KIAA1328: variants seen among roughly 807,000 people sequenced by gnomAD.
The protein encoded by KIAA1328 is protein hinderin.
In KIAA1328, 52 loss-of-function variants were observed where a neutral mutation model predicts 68.1. The ratio of observed to expected loss-of-function variants is 0.76; its 90% confidence interval spans 0.61 to 0.96. KIAA1328 has a LOEUF of 0.96. Among genes scored for constraint, KIAA1328 ranks in the 40% least tolerant of loss-of-function variants. The pLI, the probability that KIAA1328 is intolerant of heterozygous loss-of-function variation, is 0.00. For missense variants in KIAA1328, 641 were observed against 677.6 expected (o/e 0.95, Z 0.60); for synonymous variants, 232 against 239.4 (o/e 0.97, Z 0.28).
chr18:36,906,162 T>A (rs1476774081), intron 5 of KIAA1328, among the ~76,000 whole-genome samples: 3 of 152,166 alleles, frequency 2.0e-5, no homozygotes, highest in Non-Finnish European at 4.4e-5. Context: ...TAGCTAGTAG[T>A]TTGTATTCCA....
intron 9 of KIAA1328, among the ~76,000 whole-genome samples, chr18:37,194,147 G>A (rs994706534): frequency 6.6e-6 from 1 of 152,044 alleles, no homozygotes; most frequent in East Asian, 1.9e-4. Context: ...TGGAATTGTG[G>A]GTCATAGATA....
intron 6 of KIAA1328, among the ~76,000 whole-genome samples, chr18:37,041,586 A>G (rs2055247770): frequency 1.3e-5 from 2 of 150,362 alleles, no homozygotes; most frequent in Admixed American, 6.6e-5. Context: ...TTTATTTTCT[A>G]TATGCCCATC....
intron 5 of KIAA1328, chr18:36,924,885 TA>T: frequency 6.6e-6 from 1 of 152,194 alleles, no homozygotes; most frequent in African/African-American, 2.4e-5. Context: ...AAAAGAACCA[TA>T]AGCATATATT....
chr18:37,216,976 T>G lies in KIAA1328; in HGVS notation c.1524-5041T>G, dbSNP rs544678562. Among the ~76,000 whole-genome samples the G allele has an allele frequency of 1.9e-3, 262 of 139,588 alleles. 1 individual carries two copies. Among genetic ancestry groups the G allele is most frequent in the African/African-American group, 3.1e-3 (107 of 34,796 alleles). 91.6% of individuals were successfully genotyped at this position (139,588 alleles called of 152,430 possible). ...CTAGGATTGCAACCCCTGCTTTTTTTTTGTTTTTTTTTTGTTTGTTTTTTT... is the reference window on the plus strand; with the variant it reads ...CTAGGATTGCAACCCCTGCTTTTTTGTTGTTTTTTTTTTGTTTGTTTTTTT... On this transcript the variant is annotated intron_variant, in intron 9 of 9. Coordinates refer to ENST00000280020, the MANE Select transcript of KIAA1328 (RefSeq NM_020776.3).
intron 6 of KIAA1328, among the ~76,000 whole-genome samples, chr18:36,968,986 TTTGAAAACTA>T (rs758837070): frequency 3.9e-5 from 6 of 152,150 alleles, no homozygotes; most frequent in African/African-American, 1.4e-4. Context: ...CAAGAAGATC[TTTGAAAACTA>T]TACAGTTTCA....
chr18:36,891,537 C>T (rs540257247), intron 5 of KIAA1328, among the ~76,000 whole-genome samples: 2 of 152,276 alleles, frequency 1.3e-5, no homozygotes, highest in Non-Finnish European at 2.9e-5. Flanking sequence ...TTAGCTCTCA[C>T]TTATGAATGA....
chr18:36,913,908 T>C (rs1274843960), intron 5 of KIAA1328, among the ~76,000 whole-genome samples: 5 of 152,202 alleles, frequency 3.3e-5, no homozygotes. Context: ...CAGTTGCTTG[T>C]GTGCTTTGTG....
intron 5 of KIAA1328, among the ~76,000 whole-genome samples, chr18:36,936,499 C>T (rs985192456): frequency 2.0e-5 from 3 of 152,112 alleles, no homozygotes; most frequent in Non-Finnish European, 4.4e-5. Context: ...TGTATATGTG[C>T]CACAATGCCT....
intron 5 of KIAA1328, among the ~76,000 whole-genome samples, chr18:36,910,015 G>A (rs569451180): frequency 5.9e-5 from 9 of 152,242 alleles, no homozygotes; most frequent in African/African-American, 2.2e-4. Flanking sequence ...GTTCTTTGTA[G>A]ATTCTGGATA....
intron 7 of KIAA1328, among the ~76,000 whole-genome samples, chr18:37,103,888 A>G (rs558213489): frequency 6.6e-6 from 1 of 152,240 alleles, no homozygotes; most frequent in South Asian, 2.1e-4. Flanking sequence ...AAAAGAAGAC[A>G]AACAGATGGC....
rs560887663 is a variant in KIAA1328 at position 36,933,392 on chromosome 18, A to G, written c.449-25916A>G. On this transcript the variant is annotated intron_variant, in intron 5 of 9. Coordinates refer to ENST00000280020, the MANE Select transcript of KIAA1328 (RefSeq NM_020776.3). ...GTGGTGCTATGCTGTGCTGTGCTCA[A>G]GTTTCCTTTGTTAGGTGTTCCAGGC... Among the ~76,000 whole-genome samples the G allele has an allele frequency of 3.3e-5, 5 of 152,096 alleles. No individual in the cohort carries two copies. In the East Asian group the frequency reaches 9.7e-4, roughly 29 times the overall value.
intron 7 of KIAA1328, among the ~76,000 whole-genome samples, chr18:37,091,570 G>C (rs1599231148): frequency 6.6e-6 from 1 of 152,098 alleles, no homozygotes; most frequent in South Asian, 2.1e-4. Context: ...CAAGAGAGTT[G>C]ATACTGGGTC....
intron 6 of KIAA1328, among the ~76,000 whole-genome samples, chr18:37,018,881 C>T (rs964428116): frequency 5.9e-5 from 9 of 151,914 alleles, no homozygotes; most frequent in Non-Finnish European, 1.3e-4. Context: ...TGAATCTCAT[C>T]GACCTTCCTT....
chr18:36,973,357 G>C (rs951730626), intron 6 of KIAA1328, among the ~76,000 whole-genome samples: 2 of 152,008 alleles, frequency 1.3e-5, no homozygotes, highest in Non-Finnish European at 2.9e-5. Context: ...ATAGCATTAG[G>C]AGGTATACCT....
chr18:37,038,835 A>C (rs928565859), intron 6 of KIAA1328, among the ~76,000 whole-genome samples: 1 of 152,182 alleles, frequency 6.6e-6, no homozygotes, highest in African/African-American at 2.4e-5. Context: ...ACATTAAATG[A>C]AACATACAGC....
At chr18:37,015,805 C>T (rs1007949937) in intron 6 of KIAA1328, among the ~76,000 whole-genome samples, 8 of 152,130 alleles carry the variant, frequency 5.3e-5, no homozygotes, top group South Asian at 2.1e-4. Flanking sequence ...TCAGCTTGAA[C>T]ATTGTTGGTG....
intron 4 of KIAA1328, among the ~76,000 whole-genome samples, chr18:36,881,112 C>A (rs1601121432): frequency 6.7e-6 from 1 of 150,242 alleles, no homozygotes. Context: ...AAGTGATAAC[C>A]AGTAAGTATT....
chr18:37,147,871 A>G (rs1451805352), intron 7 of KIAA1328, among the ~76,000 whole-genome samples: 1 of 152,184 alleles, frequency 6.6e-6, no homozygotes, highest in Non-Finnish European at 1.5e-5. Flanking sequence ...TATTGTGCAG[A>G]CATCATAGAG....
intron 7 of KIAA1328, 36 bp downstream of exon 7, chr18:37,067,581 G>A: frequency 2.8e-6 from 4 of 1,417,744 alleles, no homozygotes; most frequent in Non-Finnish European, 3.7e-6. Flanking sequence ...TTTTTTTTGA[G>A]ACGAAATCTC....
Sources: allele counts gnomAD v4.1 joint callset (sites outside exome capture counted in the v4.1 genomes callset), GRCh38; gene constraint gnomAD v4.1.1; transcripts MANE v1.5; gene names NCBI Gene and HGNC (gene_info 2026-07-23, HGNC 2026-07-21).